CADPS2: variants seen among roughly 807,000 people sequenced by gnomAD.
CADPS2 encodes the protein calcium-dependent secretion activator 2.
A neutral mutation model predicts 172.5 loss-of-function variants in CADPS2; 93 were observed. That is an observed-to-expected ratio of 0.54 (90% confidence interval 0.46 to 0.64). CADPS2 has a LOEUF of 0.64. Ranked by LOEUF, CADPS2 falls within the 30% of genes least tolerant of loss-of-function variation. CADPS2 has a pLI of 0.00. For missense variants in CADPS2, 1,420 were observed against 1,565.9 expected (o/e 0.91, Z 1.57); for synonymous variants, 546 against 555.2 (o/e 0.98, Z 0.23).
At chr7:122,451,262 G>C (rs1483130251) in intron 15 of CADPS2, 112 bp downstream of exon 15, 2 of 465,648 alleles carry the variant, frequency 4.3e-6, no homozygotes, top group Non-Finnish European at 7.4e-6. Context: ...GCAAGGGAGG[G>C]CTACTGATGA....
intron 1 of CADPS2, among the ~76,000 whole-genome samples, chr7:122,781,120 GGACA>G (rs1792596417): frequency 6.6e-6 from 1 of 152,046 alleles, no homozygotes; most frequent in Non-Finnish European, 1.5e-5. Context: ...TTAATCTGAT[GGACA>G]GAAAGTAACC....
chr7:122,775,377 G>A (rs2093846074), intron 1 of CADPS2, among the ~76,000 whole-genome samples: 2 of 152,218 alleles, frequency 1.3e-5, no homozygotes, highest in Admixed American at 1.3e-4. Context: ...CCCATGGGCT[G>A]TCTTTGCTGC....
At chr7:122,878,515 C>T (rs1023545857) in intron 1 of CADPS2, among the ~76,000 whole-genome samples, 7 of 150,740 alleles carry the variant, frequency 4.6e-5, no homozygotes, top group African/African-American at 1.7e-4. Context: ...TGGCGGGTGC[C>T]TGTAGTCCCA....
chr7:122,716,107 T>C (rs1301004311), intron 2 of CADPS2, among the ~76,000 whole-genome samples: 1 of 152,130 alleles, frequency 6.6e-6, no homozygotes, highest in East Asian at 1.9e-4. Flanking sequence ...TAACATCACA[T>C]TATACACCAT....
At chr7:122,613,132 T>C (rs1563855471) in intron 6 of CADPS2, among the ~76,000 whole-genome samples, 1 of 151,990 alleles carries the variant, frequency 6.6e-6, no homozygotes, top group Non-Finnish European at 1.5e-5. Flanking sequence ...GGTTTGGCAA[T>C]GAATTCTTAG....
intron 2 of CADPS2, chr7:122,702,469 C>T: frequency 6.2e-7 from 1 of 1,613,606 alleles, no homozygotes; most frequent in East Asian, 2.2e-5. Context: ...CCTGTTTGGG[C>T]CTGCTGAAAT....
intron 1 of CADPS2, among the ~76,000 whole-genome samples, chr7:122,741,531 T>C (rs1039119610): frequency 6.6e-6 from 1 of 152,188 alleles, no homozygotes; most frequent in Non-Finnish European, 1.5e-5. Context: ...ACACCAATTT[T>C]TTCCATTCTT....
chr7:122,747,521 A>C (rs2138237859), intron 1 of CADPS2, among the ~76,000 whole-genome samples: 1 of 152,266 alleles, frequency 6.6e-6, no homozygotes, highest in African/African-American at 2.4e-5. Context: ...ATAATAGCTA[A>C]CATTTATTGA....
intron 6 of CADPS2, among the ~76,000 whole-genome samples, chr7:122,581,617 C>T (rs1354355000): frequency 6.6e-6 from 1 of 152,008 alleles, no homozygotes; most frequent in Admixed American, 6.6e-5. Flanking sequence ...ATTATAGCAC[C>T]ATTTTTACTG....
intron 17 of CADPS2, among the ~76,000 whole-genome samples, chr7:122,435,604 T>C (rs555164015): frequency 1.3e-5 from 2 of 151,980 alleles, no homozygotes; most frequent in Non-Finnish European, 2.9e-5. Context: ...CTATGAAAAA[T>C]AGTATGGAGG....
intron 8 of CADPS2, among the ~76,000 whole-genome samples, chr7:122,514,179 G>A (rs2060190085): frequency 6.6e-6 from 1 of 151,920 alleles, no homozygotes; most frequent in Admixed American, 6.6e-5. Flanking sequence ...CTACAAAAGT[G>A]GAAAATATTG....
At chr7:122,401,592 T>C (rs1380247912) in intron 20 of CADPS2, among the ~76,000 whole-genome samples, 1 of 152,230 alleles carries the variant, frequency 6.6e-6, no homozygotes, top group Non-Finnish European at 1.5e-5. Context: ...CTCAGTATCA[T>C]TGAACCATCG....
At chr7:122,724,883 T>C (rs2090918036) in intron 2 of CADPS2, among the ~76,000 whole-genome samples, 1 of 152,048 alleles carries the variant, frequency 6.6e-6, no homozygotes, top group Non-Finnish European at 1.5e-5. Context: ...CTTCTCAGGA[T>C]TATGCTTTTA....
intron 22 of CADPS2, among the ~76,000 whole-genome samples, chr7:122,392,323 C>T (rs1440116477): frequency 6.6e-6 from 1 of 151,426 alleles, no homozygotes; most frequent in African/African-American, 2.4e-5. Context: ...TTATCATTTA[C>T]TGGGTGCCTA....
In CADPS2 at chr7:122,535,164, C is replaced by T. The variant is rs1367909276; in HGVS notation, c.1475+19386G>A. Among the ~76,000 whole-genome samples the T allele has an allele frequency of 3.9e-5, 6 of 152,000 alleles. No homozygotes were observed. The South Asian group carries it at 6.2e-4, about 16-fold the overall frequency. On this transcript the variant is annotated intron_variant, in intron 8 of 29. Coordinates refer to ENST00000449022, the MANE Select transcript of CADPS2 (RefSeq NM_017954.11). ...GAGTATCGTGAACTGACAGTGATCA[C>T]TTAAAGAGAAAAGTATTTTGTATTA...
At position 122,663,572 on chromosome 7, in the gene CADPS2, GAAAACAAAACAAAAC is replaced by G. The variant is rs565498642; in HGVS notation, c.454-18_454-4del. Reference sequence around the variant, plus strand: ...ACTCGGTCACTCTTTAGAAAAACCTGAAAACAAAACAAAACAAAACAAAACAAAAAACAATTACAA... The same window carrying G: ...ACTCGGTCACTCTTTAGAAAAACCTGAAAACAAAACAAAAAACAATTACAA... On this transcript the variant is annotated splice_polypyrimidine_tract_variant and splice_region_variant and intron_variant, in intron 2 of 29. Transcript: ENST00000449022. 6.4e-7 allele frequency: 1 copy of G among 1,553,648 alleles called. No homozygotes were observed.
chr7:122,652,205 C>T (rs933227227), intron 3 of CADPS2, among the ~76,000 whole-genome samples: 2 of 152,002 alleles, frequency 1.3e-5, no homozygotes, highest in Admixed American at 6.6e-5. Flanking sequence ...TCTCTAGGTT[C>T]CTATTATTTA....
chr7:122,876,190 C>T (rs1349278429), intron 1 of CADPS2, among the ~76,000 whole-genome samples: 2 of 151,972 alleles, frequency 1.3e-5, no homozygotes, highest in African/African-American at 4.8e-5. Flanking sequence ...TGTGGTGGTG[C>T]ACACCTGTAA....
intron 7 of CADPS2, among the ~76,000 whole-genome samples, chr7:122,568,384 C>T (rs1441260351): frequency 6.6e-6 from 1 of 152,034 alleles, no homozygotes; most frequent in African/African-American, 2.4e-5. Flanking sequence ...AAATCGTAAT[C>T]CCATCTATCT....
Sources: allele counts gnomAD v4.1 joint callset (sites outside exome capture counted in the v4.1 genomes callset), GRCh38; gene constraint gnomAD v4.1.1; transcripts MANE v1.5; gene names NCBI Gene and HGNC (gene_info 2026-07-23, HGNC 2026-07-21).